Variants in COL26A1 observed in about 807,000 individuals in gnomAD.
COL26A1 encodes collagen type XXVI alpha 1 chain.
In COL26A1, 41 loss-of-function variants were observed where a neutral mutation model predicts 59.3. The observed-to-expected ratio is 0.69, with a 90% CI of 0.54 to 0.90. The LOEUF is 0.90. COL26A1 is among the 40% of genes least tolerant of loss of function. The pLI, the probability that COL26A1 is intolerant of heterozygous loss-of-function variation, is 0.00. For synonymous variants in COL26A1, 266 were observed against 256.0 expected (o/e 1.04, Z -0.37); for missense variants, 612 against 602.3 (o/e 1.02, Z -0.17).
intron 2 of COL26A1, among the ~76,000 whole-genome samples, chr7:101,436,598 C>T (rs1792921338): frequency 6.6e-6 from 1 of 152,114 alleles, no homozygotes. Context: ...GCACCCGAGG[C>T]AGGACTTCGT....
intron 2 of COL26A1, among the ~76,000 whole-genome samples, chr7:101,427,094 T>A (rs1792666888): frequency 6.6e-6 from 1 of 152,236 alleles, no homozygotes; most frequent in Admixed American, 6.5e-5. Context: ...AGCCTCACTC[T>A]GTTGCTCAGA....
At chr7:101,525,014 C>T (rs559549576) in intron 3 of COL26A1, among the ~76,000 whole-genome samples, 4 of 152,126 alleles carry the variant, frequency 2.6e-5, no homozygotes, top group Non-Finnish European at 5.9e-5. Context: ...CAGGCACTTG[C>T]TTTCATATCA....
intron 3 of COL26A1, among the ~76,000 whole-genome samples, chr7:101,470,770 A>G (rs926092164): frequency 6.6e-6 from 1 of 151,958 alleles, no homozygotes; most frequent in African/African-American, 2.4e-5. Context: ...TGATTACATC[A>G]TTGGCCATTG....
intron 3 of COL26A1, among the ~76,000 whole-genome samples, chr7:101,473,199 C>T (rs906719871): frequency 6.6e-6 from 1 of 152,032 alleles, no homozygotes; most frequent in African/African-American, 2.4e-5. Flanking sequence ...TCCGCCTCAG[C>T]CTCCCGAGTA....
chr7:101,424,047 A>AT (rs1175702608), intron 2 of COL26A1, among the ~76,000 whole-genome samples: 4 of 151,036 alleles, frequency 2.6e-5, no homozygotes, highest in African/African-American at 7.3e-5. Context: ...ATTTTTACAA[A>AT]TTTTTTAAAA....
rs1052101870 is a variant in COL26A1 at position 101,419,897 on chromosome 7, C to T, written c.159-80C>T. 22 of 1,528,112 alleles carry T rather than the reference C, an allele frequency of 1.4e-5. 1 individual carries two copies. Among genetic ancestry groups the T allele is most frequent in the Non-Finnish European group, 1.9e-5 (21 of 1,124,898 alleles). The allele number at this position is 1,528,112 out of a possible 1,614,324, so 94.7% of individuals were successfully genotyped here. A position where few individuals can be genotyped will look rare whatever the true frequency, so the allele number is the denominator to read the frequency against. On this transcript the variant is annotated intron_variant, in intron 1 of 12. Coordinates refer to ENST00000313669, the MANE Select transcript of COL26A1 (RefSeq NM_001278563.3). ...ACCCCAGGTTTGCGGGGGCCCCTCC[C>T]TGTCCAGCACGGCCCCCTGACCCGA...
Position 101,547,236 on chromosome 7 carries a change from C to T in COL26A1, c.937C>T (p.Pro313Ser), listed in dbSNP as rs747814770. The T allele has an allele frequency of 5.4e-5, 85 of 1,575,458 alleles. No homozygotes were observed. The highest frequency in any genetic ancestry group is 7.1e-5 in the Non-Finnish European group (82 of 1,161,514). The change falls in exon 8 of 13, where the codon CCA becomes TCA. Residue 313 changes from proline (P) to serine (S), a missense_variant. Pro to Ser is a moderately conservative substitution (Grantham distance 74). Coordinates refer to ENST00000313669, the MANE Select transcript of COL26A1 (RefSeq NM_001278563.3). The part of the protein sequence containing the change: ...VPGPRGPPGP[P>S]GPPGPRGPPG... ...AGGACCCCGGGGTCCCCCTGGTCCA[C>T]CAGGTAAGTGAATGGTGGGCTGGCC...
At chr7:101,391,857 T>TCTTTTCTTTC (rs1791736803) in intron 1 of COL26A1, among the ~76,000 whole-genome samples, 1 of 51,778 alleles carries the variant, frequency 1.9e-5, no homozygotes, top group African/African-American at 1.5e-4. Flanking sequence ...GCCAAGCCTT[T>TCTTTTCTTTC]CTTTTCTTTT....
At chr7:101,479,596 T>C (rs1794115042) in intron 3 of COL26A1, among the ~76,000 whole-genome samples, 1 of 152,246 alleles carries the variant, frequency 6.6e-6, no homozygotes, top group African/African-American at 2.4e-5. Flanking sequence ...TGTCTAGATA[T>C]GTATCAGTTT....
intron 2 of COL26A1, among the ~76,000 whole-genome samples, chr7:101,430,510 T>C (rs866959153): frequency 2.0e-5 from 3 of 151,484 alleles, no homozygotes; most frequent in Non-Finnish European, 4.4e-5. Context: ...AGGCTGGTCT[T>C]GAACTCTTGA....
intron 11 of COL26A1, 27 bp from the exon 12 acceptor site, chr7:101,555,760 T>C: frequency 6.3e-7 from 1 of 1,586,898 alleles, no homozygotes; most frequent in Middle Eastern, 1.8e-4. Flanking sequence ...TGGCCGGCCC[T>C]GACCCTGCCT....
intron 11 of COL26A1, among the ~76,000 whole-genome samples, chr7:101,553,705 A>G (rs2130686572): frequency 6.6e-6 from 1 of 152,306 alleles, no homozygotes; most frequent in South Asian, 2.1e-4. Context: ...GTCAGGCTGC[A>G]GAGTCCCTCT....
rs1563007713 is a variant in COL26A1 at position 101,489,751 on chromosome 7, TGTCTCTC to T, written c.385+41965_385+41971del. 1.0e-3 allele frequency among the ~76,000 whole-genome samples: 60 copies of T among 57,162 alleles called. 10 individuals are homozygous for T. The highest frequency in any genetic ancestry group is 1.4e-3 in the Non-Finnish European group (42 of 30,558). The allele number at this position is 57,162 out of a possible 152,430, so 37.5% of individuals were successfully genotyped here. A position where few individuals can be genotyped will look rare whatever the true frequency, so the allele number is the denominator to read the frequency against. On this transcript the variant is annotated intron_variant, in intron 3 of 12. Coordinates refer to ENST00000313669, the MANE Select transcript of COL26A1 (RefSeq NM_001278563.3). The stretch of plus-strand genomic sequence containing the variant: ...TCTCTCTCTTTCTCTCTTTCTTTCT[TGTCTCTC>T]TTTCTTTCTTTCTTTCTTTCTTTCT...
At chr7:101,553,416 G>C (rs772183513) in intron 11 of COL26A1, 40 bp downstream of exon 11, 8 of 1,600,118 alleles carry the variant, frequency 5.0e-6, no homozygotes, top group Non-Finnish European at 6.0e-6. Flanking sequence ...CCGCCTCCTT[G>C]GCTGTGAGCA....
chr7:101,422,330 G>T (rs1792542270), intron 2 of COL26A1, among the ~76,000 whole-genome samples: 2 of 121,950 alleles, frequency 1.6e-5, no homozygotes, highest in Admixed American at 1.8e-4. Flanking sequence ...AAAAATGCTG[G>T]TTTTAAATGC....
At chr7:101,535,239 C>G (rs1028129781) in intron 4 of COL26A1, among the ~76,000 whole-genome samples, 1 of 152,128 alleles carries the variant, frequency 6.6e-6, no homozygotes, top group African/African-American at 2.4e-5. Flanking sequence ...TGGGCTGAGC[C>G]GGGGCCAGGA....
rs1337075334 is a variant in COL26A1, at chr7:101,374,372, C to T, written c.158+11182C>T. On this transcript the variant is annotated intron_variant, in intron 1 of 12. Transcript: ENST00000313669. ...ATCTATGTAAAGCAGGAGTCCCCAA[C>T]CCTGAGGTCACAGACAAGTACCGGT... Among the ~76,000 whole-genome samples the T allele has an allele frequency of 3.3e-5, 5 of 152,170 alleles. No individual in the cohort carries two copies. The East Asian group carries it at 9.6e-4, about 29-fold the overall frequency.
At chr7:101,538,416 G>A (rs1280186856) in intron 4 of COL26A1, among the ~76,000 whole-genome samples, 3 of 152,230 alleles carry the variant, frequency 2.0e-5, no homozygotes, top group African/African-American at 7.2e-5. Context: ...AGGGGCCCCG[G>A]CCTCACCGCC....
intron 1 of COL26A1, among the ~76,000 whole-genome samples, chr7:101,406,033 G>T (rs187510964): frequency 3.3e-5 from 5 of 152,262 alleles, no homozygotes; most frequent in Admixed American, 3.3e-4. Flanking sequence ...CACTCCCGGA[G>T]CCCCTCTCCC....
Sources: gnomAD v4.1 joint callset for allele counts (sites outside exome capture counted in the v4.1 genomes callset) on GRCh38, gnomAD v4.1.1 for gene constraint, MANE v1.5 for transcripts, NCBI Gene and HGNC (gene_info 2026-07-23, HGNC 2026-07-21) for gene names.